The following MCTP1 variants were observed in gnomAD, a reference collection of about 807,000 sequenced individuals.
MCTP1 encodes the protein multiple C2 and transmembrane domain-containing protein 1.
MCTP1 carries 69 observed loss-of-function variants against 120.6 expected under a neutral mutation model. The observed-to-expected ratio is 0.57, with a 90% CI of 0.47 to 0.70. The LOEUF (loss-of-function observed/expected upper bound fraction) is 0.70, where lower values mean the gene tolerates loss of function less well. MCTP1 is among the 30% of genes least tolerant of loss of function. The pLI is 0.00. For synonymous variants in MCTP1, 529 were observed against 493.1 expected, an observed-to-expected ratio of 1.07 and a Z score of -0.96; for missense variants, 1,203 against 1,248.8, an observed-to-expected ratio of 0.96 and a Z score of 0.55.
intron 1 of MCTP1, chr5:95,081,738 A>G: frequency 8.1e-7 from 1 of 1,232,822 alleles, no homozygotes; most frequent in South Asian, 3.1e-5. Flanking sequence ...AGAGTTTCCC[A>G]TTGCAAAACT....
intron 1 of MCTP1, among the ~76,000 whole-genome samples, chr5:95,026,665 T>C (rs1448401453): frequency 6.6e-6 from 1 of 152,184 alleles, no homozygotes; most frequent in Non-Finnish European, 1.5e-5. Context: ...ATTGTAGCAC[T>C]GTACAGTGGG....
At chr5:94,761,495 T>C (rs966081193) in intron 19 of MCTP1, among the ~76,000 whole-genome samples, 4 of 152,238 alleles carry the variant, frequency 2.6e-5, no homozygotes, top group African/African-American at 9.6e-5. Flanking sequence ...ATAATGGAAC[T>C]TGAATCTACC....
intron 1 of MCTP1, among the ~76,000 whole-genome samples, chr5:95,134,774 T>C (rs1295775428): frequency 6.6e-6 from 1 of 152,118 alleles, no homozygotes; most frequent in Non-Finnish European, 1.5e-5. Flanking sequence ...GGGACAATGA[T>C]ACAGGTAGGC....
chr5:95,085,432 T>G (rs1755356073), intron 1 of MCTP1, among the ~76,000 whole-genome samples: 1 of 151,124 alleles, frequency 6.6e-6, no homozygotes, highest in East Asian at 1.9e-4. Flanking sequence ...AGCATTATCT[T>G]CTTAAGATTT....
At chr5:94,940,332 A>C (rs1450302457) in intron 4 of MCTP1, 137 bp from the exon 5 acceptor site, 2 of 532,304 alleles carry the variant, frequency 3.8e-6, no homozygotes, top group African/African-American at 3.8e-5. Flanking sequence ...TTGTTATTAA[A>C]ATATTATCAG....
intron 2 of MCTP1, among the ~76,000 whole-genome samples, chr5:95,001,869 A>C (rs1225621434): frequency 3.9e-5 from 6 of 152,192 alleles, no homozygotes; most frequent in Non-Finnish European, 8.8e-5. Context: ...ACAATGGGGA[A>C]ATGTCGACAG....
At chr5:95,080,946 T>A (rs1754786439) in intron 1 of MCTP1, among the ~76,000 whole-genome samples, 2 of 152,196 alleles carry the variant, frequency 1.3e-5, no homozygotes, top group Non-Finnish European at 2.9e-5. Context: ...TTTCACTAAT[T>A]TTCCACTTTA....
At chr5:95,184,521 A>C (rs960213910) in intron 1 of MCTP1, among the ~76,000 whole-genome samples, 1 of 152,202 alleles carries the variant, frequency 6.6e-6, no homozygotes, top group Non-Finnish European at 1.5e-5. Context: ...TCCCGGGTGT[A>C]GGGCAAACTA....
At chr5:94,989,386 T>C (rs955527970) in intron 2 of MCTP1, among the ~76,000 whole-genome samples, 2 of 152,214 alleles carry the variant, frequency 1.3e-5, no homozygotes, top group African/African-American at 4.8e-5. Context: ...ATTCATTTAT[T>C]GTCTCACAGT....
chr5:95,142,705 T>C (rs138591825), intron 1 of MCTP1, among the ~76,000 whole-genome samples: 89 of 152,258 alleles, frequency 5.8e-4, no homozygotes, highest in African/African-American at 2.1e-3. Flanking sequence ...TCTACGGGAA[T>C]AGAATCAATG....
At chr5:94,905,310 T>A (rs1028612994) in intron 10 of MCTP1, among the ~76,000 whole-genome samples, 1 of 152,232 alleles carries the variant, frequency 6.6e-6, no homozygotes, top group South Asian at 2.1e-4. Flanking sequence ...TATAGGCCAC[T>A]GAAGGGACTG....
chr5:95,059,424 G>A, intron 1 of MCTP1, among the ~76,000 whole-genome samples: 1 of 152,076 alleles, frequency 6.6e-6, no homozygotes, highest in Non-Finnish European at 1.5e-5. Flanking sequence ...TGGGGAGAGA[G>A]GAAGGAGAGC....
intron 1 of MCTP1, among the ~76,000 whole-genome samples, chr5:95,136,872 A>G (rs1375857047): frequency 6.6e-6 from 1 of 152,218 alleles, no homozygotes; most frequent in Non-Finnish European, 1.5e-5. Flanking sequence ...TTCAGTCAAC[A>G]AAGAGTAACT....
At chr5:95,148,601 CTGGATTCCT>C (rs1223928458) in intron 1 of MCTP1, among the ~76,000 whole-genome samples, 1 of 152,210 alleles carries the variant, frequency 6.6e-6, no homozygotes, top group East Asian at 1.9e-4. Flanking sequence ...GATCATTTTA[CTGGATTCCT>C]TGGATTCCTT....
intron 1 of MCTP1, among the ~76,000 whole-genome samples, chr5:95,145,994 C>G (rs1399996611): frequency 6.6e-6 from 1 of 151,964 alleles, no homozygotes; most frequent in Admixed American, 6.6e-5. Flanking sequence ...TCTGGTAGAA[C>G]TCTGCTGTTA....
intron 19 of MCTP1, among the ~76,000 whole-genome samples, chr5:94,753,153 T>C (rs4869118): frequency 0.51 from 77,272 of 151,968 alleles, 20,050 homozygotes; most frequent in East Asian, 0.65. Context: ...GGAGTGCATA[T>C]GGCAGTGACA....
Position 94,778,082 on chromosome 5 carries a change from C to G in MCTP1, c.2610+1028G>C, listed in dbSNP as rs939693649. 2.0e-5 allele frequency among the ~76,000 whole-genome samples: 3 copies of G among 152,040 alleles called. No individual in the cohort carries two copies. In the East Asian group the frequency reaches 5.8e-4, roughly 29 times the overall value. ...AATTATTTTATCTTTGGAGACACAG[C>G]CTTTGGTGGCACACAAATTCTTACA... On this transcript the variant is annotated intron_variant, in intron 19 of 22. Transcript: ENST00000515393.
chr5:95,191,239 T>G (rs1489932010), intron 1 of MCTP1, among the ~76,000 whole-genome samples: 1 of 152,020 alleles, frequency 6.6e-6, no homozygotes, highest in East Asian at 1.9e-4. Flanking sequence ...ATATCTGTGT[T>G]TACTATAGTC....
Position 95,283,932 on chromosome 5 carries a change from G to GGCGGCGGCTCCA in MCTP1, c.632_643dup (p.Leu211_Pro214dup). On this transcript the variant is annotated inframe_insertion, in exon 1 of 23. Transcript: ENST00000515393. ...ACTCCGCGCCGGCTCTGCGGGAGGA[G>GGCGGCGGCTCCA]GCGGCGGCTCCAGCAGCTGCTCCAG... The GGCGGCGGCTCCA allele has an allele frequency of 7.1e-7, 1 of 1,401,972 alleles. No individual in the cohort carries two copies. The highest frequency in any genetic ancestry group is 9.2e-7 in the Non-Finnish European group (1 of 1,085,468). The allele number at this position is 1,401,972 out of a possible 1,614,324, so 86.8% of individuals were successfully genotyped here.
Sources: gnomAD v4.1 joint callset for allele counts (sites outside exome capture counted in the v4.1 genomes callset) on GRCh38, gnomAD v4.1.1 for gene constraint, MANE v1.5 for transcripts, NCBI Gene and HGNC (gene_info 2026-07-23, HGNC 2026-07-21) for gene names.